Variants in XYLT1 observed in about 807,000 individuals in gnomAD.
XYLT1 encodes the protein beta-D-xylosyltransferase 1.
Under a neutral mutation model 91.3 loss-of-function variants are expected in XYLT1, and 36 were observed. That is an observed-to-expected ratio of 0.39 (90% CI 0.30 to 0.52). The LOEUF (loss-of-function observed/expected upper bound fraction) is 0.52. Among genes scored for constraint, XYLT1 ranks in the 20% least tolerant of loss-of-function variants. XYLT1 has a pLI of 0.68. For missense variants in XYLT1, 1,242 were observed against 1,284.5 expected, an observed-to-expected ratio of 0.97 and a Z score of 0.51; for synonymous variants, 588 against 532.0, an observed-to-expected ratio of 1.11 and a Z score of -1.45.
chr16:17,295,468 A>G (rs1567361156), intron 2 of XYLT1, among the ~76,000 whole-genome samples: 1 of 151,918 alleles, frequency 6.6e-6, no homozygotes, highest in Non-Finnish European at 1.5e-5. Context: ...CAATTCTCCC[A>G]CCTCAGCTTC....
chr16:17,245,613 C>T (rs1301094242), intron 3 of XYLT1, among the ~76,000 whole-genome samples: 1 of 152,184 alleles, frequency 6.6e-6, no homozygotes, highest in Non-Finnish European at 1.5e-5. Flanking sequence ...GTCTGATGTT[C>T]TTCCTACATA....
chr16:17,248,679 T>C lies in XYLT1; in HGVS notation c.913+10309A>G, dbSNP rs543660153. On this transcript the variant is annotated intron_variant, in intron 3 of 11. Coordinates refer to ENST00000261381, the MANE Select transcript of XYLT1 (RefSeq NM_022166.4). The stretch of plus-strand genomic sequence containing the variant: ...TAGTTAACTTTCACCACCCTTCATC[T>C]CTTAGCTCAACTATAAAACACAACT... 8.6e-5 allele frequency among the ~76,000 whole-genome samples: 13 copies of C among 151,930 alleles called. No homozygotes were observed. The South Asian group carries it at 2.7e-3, about 32-fold the overall frequency.
At chr16:17,250,313 A>G (rs2033516963) in intron 3 of XYLT1, 1 of 152,242 alleles carries the variant, frequency 6.6e-6, no homozygotes, top group Non-Finnish European at 1.5e-5. Context: ...ATGGGTTGAC[A>G]TCTTAAGTGG....
rs1434463272 is a variant in XYLT1, at chr16:17,470,576, G to A, written c.221C>T (p.Pro74Leu). 2.5e-6 allele frequency: 3 copies of A among 1,197,850 alleles called. No homozygotes were observed. Among genetic ancestry groups the A allele is most frequent in the Non-Finnish European group, 3.1e-6 (3 of 967,088 alleles). The allele number at this position is 1,197,850 out of a possible 1,614,324, so 74.2% of individuals were successfully genotyped here. A position where few individuals can be genotyped will look rare whatever the true frequency, so the allele number is the denominator to read the frequency against. The change falls in exon 1 of 12, where the codon CCG becomes CTG. Residue 74 changes from proline to leucine, a missense_variant. Pro to Leu is a moderately conservative substitution (Grantham distance 98). This residue lies in a region of XYLT1 where 437 missense variants were observed against 411.5 expected (regional missense o/e 1.06). Transcript: ENST00000261381. Reference sequence around the variant, plus strand: ...TCCTCCTCCTCCTCGGGCTGCAGCCGGCTCGGCGGGCAGGTCCCGGCGCTC... The same window carrying A: ...TCCTCCTCCTCCTCGGGCTGCAGCCAGCTCGGCGGGCAGGTCCCGGCGCTC... ...RRERRDLPAE[P>L]AAARGGGGGG...
At chr16:17,412,245 C>T (rs1211752020) in intron 1 of XYLT1, among the ~76,000 whole-genome samples, 2 of 151,998 alleles carry the variant, frequency 1.3e-5, no homozygotes, top group African/African-American at 2.4e-5. Context: ...CCGTGCAGCC[C>T]AGGTCCATGT....
At chr16:17,398,072 C>T (rs1167850692) in intron 1 of XYLT1, among the ~76,000 whole-genome samples, 1 of 152,056 alleles carries the variant, frequency 6.6e-6, no homozygotes, top group East Asian at 1.9e-4. Flanking sequence ...AGCTCTTTCA[C>T]ATATACGAGT....
intron 3 of XYLT1, among the ~76,000 whole-genome samples, chr16:17,210,063 A>G (rs1207930389): frequency 1.3e-5 from 2 of 151,904 alleles, no homozygotes; most frequent in African/African-American, 2.4e-5. Flanking sequence ...CTGGCTAATT[A>G]AATATATATT....
intron 6 of XYLT1, among the ~76,000 whole-genome samples, chr16:17,144,480 G>A (rs1428645402): frequency 6.6e-6 from 1 of 152,212 alleles, no homozygotes; most frequent in Non-Finnish European, 1.5e-5. Flanking sequence ...CCAGCATGCT[G>A]TGGACTTGGT....
chr16:17,267,280 T>C (rs770264970), intron 2 of XYLT1, among the ~76,000 whole-genome samples: 1 of 152,232 alleles, frequency 6.6e-6, no homozygotes. Context: ...TTAACTAATA[T>C]GTCATGCACA....
chr16:17,362,775 C>T (rs1834199927), intron 1 of XYLT1, among the ~76,000 whole-genome samples: 1 of 152,204 alleles, frequency 6.6e-6, no homozygotes. Context: ...GCTTTGAGGA[C>T]ATTCAGAAGA....
intron 2 of XYLT1, among the ~76,000 whole-genome samples, chr16:17,340,112 C>T (rs1387051332): frequency 1.3e-5 from 2 of 152,052 alleles, no homozygotes; most frequent in Non-Finnish European, 2.9e-5. Flanking sequence ...ATCCACCCAC[C>T]CATCCTGTAT....
At chr16:17,297,939 T>A (rs962016980) in intron 2 of XYLT1, among the ~76,000 whole-genome samples, 2 of 151,154 alleles carry the variant, frequency 1.3e-5, no homozygotes, top group Non-Finnish European at 2.9e-5. Flanking sequence ...GAGAATGGCG[T>A]GAACCCGGGA....
intron 1 of XYLT1, among the ~76,000 whole-genome samples, chr16:17,444,116 TCA>T (rs1342610189): frequency 6.6e-6 from 1 of 152,134 alleles, no homozygotes; most frequent in Non-Finnish European, 1.5e-5. Context: ...TCAGAGGTCC[TCA>T]TAATGTTTCC....
At chr16:17,331,521 ACT>A (rs2034899091) in intron 2 of XYLT1, among the ~76,000 whole-genome samples, 3 of 152,054 alleles carry the variant, frequency 2.0e-5, no homozygotes, top group African/African-American at 4.8e-5. Flanking sequence ...TCCATTCAAC[ACT>A]CTTTCTGATT....
chr16:17,433,749 C>T (rs2036419030), intron 1 of XYLT1, among the ~76,000 whole-genome samples: 1 of 152,170 alleles, frequency 6.6e-6, no homozygotes, highest in South Asian at 2.1e-4. Flanking sequence ...TCCTCTATAG[C>T]CTCAAAGGTA....
At chr16:17,469,709 C>A (rs1475321337) in intron 1 of XYLT1, among the ~76,000 whole-genome samples, 1 of 152,112 alleles carries the variant, frequency 6.6e-6, no homozygotes, top group East Asian at 1.9e-4. Flanking sequence ...CTGAACCGGC[C>A]GCAACAAGAC....
At chr16:17,311,555 G>T (rs1017003331) in intron 2 of XYLT1, among the ~76,000 whole-genome samples, 16 of 152,078 alleles carry the variant, frequency 1.1e-4, no homozygotes, top group African/African-American at 3.9e-4. Flanking sequence ...TCAGACCCAG[G>T]CACACAGCTT....
chr16:17,232,429 G>GTGTGTGTATATATATATATATATATA (rs1194509016), intron 3 of XYLT1, among the ~76,000 whole-genome samples: 7 of 121,732 alleles, frequency 5.8e-5, no homozygotes, highest in Non-Finnish European at 1.0e-4. Flanking sequence ...GTGTGTGTGT[G>GTGTGTGTATATATATATATATATATA]TATATATATA....
chr16:17,136,271 C>A (rs1443340519), intron 8 of XYLT1, among the ~76,000 whole-genome samples: 3 of 152,138 alleles, frequency 2.0e-5, no homozygotes, highest in Non-Finnish European at 4.4e-5. Flanking sequence ...AGCCCAAATG[C>A]ATGACTCCAA....
Sources: gnomAD v4.1 joint callset for allele counts (sites outside exome capture counted in the v4.1 genomes callset) on GRCh38, gnomAD v4.1.1 for gene constraint, gnomAD v4.1.1 regional missense constraint, MANE v1.5 for transcripts, NCBI Gene and HGNC (gene_info 2026-07-23, HGNC 2026-07-21) for gene names.